AGPAT4: variants seen among roughly 807,000 people sequenced by gnomAD.
The protein encoded by AGPAT4 is 1-acylglycerol-3-phosphate O-acyltransferase 4, also known as 1-acyl-sn-glycerol-3-phosphate acyltransferase delta.
AGPAT4 carries 15 observed loss-of-function variants against 48.0 expected under a neutral mutation model. The observed-to-expected ratio is 0.31, with a 90% CI of 0.21 to 0.48. The LOEUF (loss-of-function observed/expected upper bound fraction) is 0.48, where lower values mean the gene tolerates loss of function less well. Ranked by LOEUF, AGPAT4 falls within the 20% of genes least tolerant of loss-of-function variation. The pLI is 0.99. For missense variants in AGPAT4, 314 were observed against 482.5 expected (o/e 0.65, Z 3.27); for synonymous variants, 178 against 198.7 (o/e 0.90, Z 0.88).
rs546423733 is a variant in AGPAT4, at chr6:161,167,635, A to C, written c.179-1218T>G. On this transcript the variant is annotated intron_variant, in intron 2 of 8. Coordinates refer to ENST00000320285, the MANE Select transcript of AGPAT4 (RefSeq NM_020133.3). ...GGCAGGTGGATTTGGCCTTGACTCC[A>C]GTAAGCCTAGTGTTGTAGCTCAAGC... 2.6e-5 allele frequency among the ~76,000 whole-genome samples: 4 copies of C among 152,266 alleles called. No individual in the cohort carries two copies. In the South Asian group the frequency reaches 6.2e-4, roughly 24 times the overall value.
chr6:161,181,272 G>A (rs1359410832), intron 2 of AGPAT4, among the ~76,000 whole-genome samples: 1 of 152,164 alleles, frequency 6.6e-6, no homozygotes, highest in Non-Finnish European at 1.5e-5. Flanking sequence ...TGGGATTGCT[G>A]AGGGAGGCGG....
At position 161,139,680 on chromosome 6, in the gene AGPAT4, C is replaced by G; in HGVS notation, c.844-60G>C. On this transcript the variant is annotated intron_variant, in intron 7 of 8. Coordinates refer to ENST00000320285, the MANE Select transcript of AGPAT4 (RefSeq NM_020133.3). This position sits in a 1 kb window ranked among gnomAD's most constrained non-coding sequence, Gnocchi z 9.1. ...ACGGGGCTCGGTGGCAGGTCCCTCCCGAGGCCCTGCTTCCAAGGGAATCGC... is the reference window on the plus strand; with the variant it reads ...ACGGGGCTCGGTGGCAGGTCCCTCCGGAGGCCCTGCTTCCAAGGGAATCGC... 1.4e-6 allele frequency: 2 copies of G among 1,448,144 alleles called. No homozygotes were observed. The highest frequency in any genetic ancestry group is 1.9e-6 in the Non-Finnish European group (2 of 1,064,560). 89.7% of individuals were successfully genotyped at this position (1,448,144 alleles called of 1,614,324 possible).
At chr6:161,152,101 C>G (rs1779607774) in intron 5 of AGPAT4, among the ~76,000 whole-genome samples, 1 of 152,186 alleles carries the variant, frequency 6.6e-6, no homozygotes, top group African/African-American at 2.4e-5. Context: ...TCTCTCTCCT[C>G]TCCGGGAGTA....
intron 1 of AGPAT4, among the ~76,000 whole-genome samples, chr6:161,256,461 C>A (rs1782945900): frequency 6.6e-6 from 1 of 152,264 alleles, no homozygotes; most frequent in Non-Finnish European, 1.5e-5. Context: ...ATGTTCCTCA[C>A]CACCAGCGCT....
chr6:161,243,564 G>A lies in AGPAT4; in HGVS notation c.-89-11262C>T, dbSNP rs1363794791. On this transcript the variant is annotated intron_variant, in intron 1 of 8. Coordinates refer to ENST00000320285, the MANE Select transcript of AGPAT4 (RefSeq NM_020133.3). This position sits in a 1 kb window ranked among gnomAD's most constrained non-coding sequence, Gnocchi z 4.8. Reference sequence around the variant, plus strand: ...GTAGCTTATGCTCTCTGAGCCTCCGGGTCTGTATCTGCTAATGGAGGTGAA... The same window carrying A: ...GTAGCTTATGCTCTCTGAGCCTCCGAGTCTGTATCTGCTAATGGAGGTGAA... 1.3e-5 allele frequency among the ~76,000 whole-genome samples: 2 copies of A among 152,120 alleles called. No individual in the cohort carries two copies. The highest frequency in any genetic ancestry group is 4.8e-5 in the African/African-American group (2 of 41,428).
chr6:161,256,017 G>A (rs145944251), intron 1 of AGPAT4, among the ~76,000 whole-genome samples: 1 of 152,256 alleles, frequency 6.6e-6, no homozygotes. Flanking sequence ...AAGGAAATGA[G>A]CTGCAGAAAG....
At position 161,218,611 on chromosome 6, in the gene AGPAT4, G is replaced by A. The variant is rs765434629; in HGVS notation, c.178+13425C>T. The stretch of plus-strand genomic sequence containing the variant: ...AAGTGCGTGTTACCATAACACCGGG[G>A]CAGGATCCTCCGCTCCACGGCCCTA... On this transcript the variant is annotated intron_variant, in intron 2 of 8. Transcript: ENST00000320285. The surrounding 1 kb of genome is among the most constrained non-coding windows in gnomAD (Gnocchi z 4.7). Among the ~76,000 whole-genome samples the A allele has an allele frequency of 6.6e-6, 1 of 152,176 alleles. No individual in the cohort carries two copies. Among genetic ancestry groups the A allele is most frequent in the Non-Finnish European group, 1.5e-5 (1 of 68,042 alleles).
At position 161,201,616 on chromosome 6, in the gene AGPAT4, T is replaced by C. The variant is rs1781241594; in HGVS notation, c.178+30420A>G. 6.6e-6 allele frequency among the ~76,000 whole-genome samples: 1 copy of C among 152,228 alleles called. No individual in the cohort carries two copies. Among genetic ancestry groups the C allele is most frequent in the African/African-American group, 2.4e-5 (1 of 41,460 alleles). ...CAAACTCTAATGTGCATTTGCATCA[T>C]TGCAACTTGTTACAATGCAGATTCC... On this transcript the variant is annotated intron_variant, in intron 2 of 8. Coordinates refer to ENST00000320285, the MANE Select transcript of AGPAT4 (RefSeq NM_020133.3). This position sits in a 1 kb window ranked among gnomAD's most constrained non-coding sequence, Gnocchi z 6.0.
Position 161,245,942 on chromosome 6 carries a change from CATTT to C in AGPAT4, c.-89-13644_-89-13641del, listed in dbSNP as rs138163024. On this transcript the variant is annotated intron_variant, in intron 1 of 8. Coordinates refer to ENST00000320285, the MANE Select transcript of AGPAT4 (RefSeq NM_020133.3). The surrounding 1 kb of genome is among the most constrained non-coding windows in gnomAD (Gnocchi z 5.2). ...ACTTAAATGCTTTTCTGACATGAAT[CATTT>C]ATTGAAGACAGAATTGCTGGCTTCG... Among the ~76,000 whole-genome samples, 287 of 152,256 alleles carry C rather than the reference CATTT, an allele frequency of 1.9e-3. 9 individuals carry two copies. The East Asian group carries it at 0.048, about 26-fold the overall frequency.
chr6:161,266,272 C>T lies in AGPAT4; in HGVS notation c.-90+7666G>A, dbSNP rs1783262705. Among the ~76,000 whole-genome samples, 1 of 152,188 alleles carries T rather than the reference C, an allele frequency of 6.6e-6. No homozygotes were observed. Among genetic ancestry groups the T allele is most frequent in the Non-Finnish European group, 1.5e-5 (1 of 68,036 alleles). ...ACACCTCGCCCTCAAGGAATGTCACCCTTGAGGCCCTGGCCAGGAGGCCAG... is the reference window on the plus strand; with the variant it reads ...ACACCTCGCCCTCAAGGAATGTCACTCTTGAGGCCCTGGCCAGGAGGCCAG... On this transcript the variant is annotated intron_variant, in intron 1 of 8. Coordinates refer to ENST00000320285, the MANE Select transcript of AGPAT4 (RefSeq NM_020133.3). The surrounding 1 kb of genome is among the most constrained non-coding windows in gnomAD (Gnocchi z 6.2).
Position 161,159,206 on chromosome 6 carries a change from A to G in AGPAT4, c.349-4896T>C, listed in dbSNP as rs1038156668. 6.6e-6 allele frequency among the ~76,000 whole-genome samples: 1 copy of G among 152,118 alleles called. No homozygotes were observed. The highest frequency in any genetic ancestry group is 1.5e-5 in the Non-Finnish European group (1 of 68,018). ...GCCCTATCACTCCAGGGTCCCCACAAGTCTCCCCATAGCACAGCCTCCATT... is the reference window on the plus strand; with the variant it reads ...GCCCTATCACTCCAGGGTCCCCACAGGTCTCCCCATAGCACAGCCTCCATT... On this transcript the variant is annotated intron_variant, in intron 3 of 8. Transcript: ENST00000320285. This position sits in a 1 kb window ranked among gnomAD's most constrained non-coding sequence, Gnocchi z 4.1.
Position 161,219,872 on chromosome 6 carries a change from T to TAGATAGGC in AGPAT4, c.178+12163_178+12164insGCCTATCT, listed in dbSNP as rs1375144242. 0.01 allele frequency among the ~76,000 whole-genome samples: 1,209 copies of TAGATAGGC among 120,430 alleles called. 29 individuals are homozygous for TAGATAGGC. The highest frequency in any genetic ancestry group is 0.015 in the Non-Finnish European group (802 of 53,322). 79.0% of individuals were successfully genotyped at this position (120,430 alleles called of 152,430 possible). A position where few individuals can be genotyped will look rare whatever the true frequency, so the allele number is the denominator to read the frequency against. On this transcript the variant is annotated intron_variant, in intron 2 of 8. Coordinates refer to ENST00000320285, the MANE Select transcript of AGPAT4 (RefSeq NM_020133.3). The surrounding 1 kb of genome is among the most constrained non-coding windows in gnomAD (Gnocchi z 4.9). ...ATAGATAGATAGATAGATAGATAGA[T>TAGATAGGC]AGGCAGGCAGGCAGGCAGGCAGGCA...
chr6:161,239,940 C>T (rs960814498), intron 1 of AGPAT4, among the ~76,000 whole-genome samples: 3 of 152,126 alleles, frequency 2.0e-5, no homozygotes, highest in South Asian at 2.1e-4. Context: ...AGAAAATTCC[C>T]TATGTATAAA....
chr6:161,230,619 C>G (rs1237115012), intron 2 of AGPAT4, among the ~76,000 whole-genome samples: 3 of 152,058 alleles, frequency 2.0e-5, no homozygotes. Context: ...CAAGTTTTTC[C>G]TTTTTCTATA....
In AGPAT4 at chr6:161,135,173, A is replaced by C. The variant is rs1779026328; in HGVS notation, c.*1367T>G. ...TAATGTGTGGCCAGTTTTTGTATAG[A>C]GCTGTTCATTCCTTCTCATGTTACC... is the stretch of plus-strand genomic sequence containing the variant. On this transcript the variant is annotated 3_prime_UTR_variant, in exon 9 of 9. Coordinates refer to ENST00000320285, the MANE Select transcript of AGPAT4 (RefSeq NM_020133.3). The C allele has an allele frequency of 6.6e-6, 1 of 152,212 alleles. No individual in the cohort carries two copies. 9.4% of individuals were successfully genotyped at this position (152,212 alleles called of 1,614,324 possible). A position where few individuals can be genotyped will look rare whatever the true frequency, so the allele number is the denominator to read the frequency against.
intron 2 of AGPAT4, among the ~76,000 whole-genome samples, chr6:161,192,632 C>G (rs1780958682): frequency 6.6e-6 from 1 of 152,066 alleles, no homozygotes; most frequent in Admixed American, 6.5e-5. Flanking sequence ...ATTCTTGTAT[C>G]TCAGGTCATC....
chr6:161,166,031 G>A lies in AGPAT4; in HGVS notation c.348+217C>T. ...AAATGAATCATATGTAAAATGGCCG[G>A]CAGGTAGCAATTGTTGAGTACCTCT... is the stretch of plus-strand genomic sequence containing the variant. On this transcript the variant is annotated intron_variant, in intron 3 of 8. Transcript: ENST00000320285. The surrounding 1 kb of genome is among the most constrained non-coding windows in gnomAD (Gnocchi z 6.7). 3.1e-6 allele frequency: 2 copies of A among 639,738 alleles called. No homozygotes were observed. Among genetic ancestry groups the A allele is most frequent in the Non-Finnish European group, 5.5e-6 (2 of 360,700 alleles). 39.6% of individuals were successfully genotyped at this position (639,738 alleles called of 1,614,324 possible). A position where few individuals can be genotyped will look rare whatever the true frequency, so the allele number is the denominator to read the frequency against.
At chr6:161,260,756 G>A (rs1017134385) in intron 1 of AGPAT4, among the ~76,000 whole-genome samples, 1 of 151,594 alleles carries the variant, frequency 6.6e-6, no homozygotes, top group Non-Finnish European at 1.5e-5. Flanking sequence ...GTGTGGTGGT[G>A]TGCACCCATA....
intron 2 of AGPAT4, among the ~76,000 whole-genome samples, chr6:161,190,194 C>T (rs1321343745): frequency 1.3e-5 from 2 of 152,104 alleles, no homozygotes; most frequent in Non-Finnish European, 2.9e-5. Flanking sequence ...AGGACATTGT[C>T]TTCATGGGCA....
Sources: gnomAD v4.1 joint callset for allele counts (sites outside exome capture counted in the v4.1 genomes callset) on GRCh38, gnomAD v4.1.1 for gene constraint, Gnocchi (gnomAD v3.1) non-coding constraint, MANE v1.5 for transcripts, NCBI Gene and HGNC (gene_info 2026-07-23, HGNC 2026-07-21) for gene names.